Variants in ADGRL3 observed in about 807,000 individuals in gnomAD.
ADGRL3 encodes the protein adhesion G protein-coupled receptor L3.
ADGRL3 carries 62 observed loss-of-function variants against 153.5 expected under a neutral mutation model. That is an observed-to-expected ratio of 0.40 (90% CI 0.33 to 0.50). ADGRL3 has a LOEUF of 0.50. Among genes scored for constraint, ADGRL3 ranks in the 20% least tolerant of loss-of-function variants. The pLI, the probability that ADGRL3 is intolerant of heterozygous loss-of-function variation, is 0.47. For synonymous variants in ADGRL3, 710 were observed against 672.5 expected (o/e 1.06, Z -0.86); for missense variants, 1,641 against 1,859.4 (o/e 0.88, Z 2.16).
chr4:61,593,983 T>C (rs761515033), intron 5 of ADGRL3, among the ~76,000 whole-genome samples: 1 of 152,058 alleles, frequency 6.6e-6, no homozygotes, highest in Non-Finnish European at 1.5e-5. Context: ...TGCTTATTGG[T>C]TTTTATTCTT....
chr4:61,244,953 T>C (rs1358386480), intron 1 of ADGRL3, among the ~76,000 whole-genome samples: 3 of 152,004 alleles, frequency 2.0e-5, no homozygotes, highest in African/African-American at 7.2e-5. Context: ...TAGAGATAAG[T>C]GAAGGATTCA....
At chr4:61,336,852 C>A (rs2095686772) in intron 1 of ADGRL3, among the ~76,000 whole-genome samples, 2 of 140,288 alleles carry the variant, frequency 1.4e-5, no homozygotes, top group Non-Finnish European at 3.1e-5. Flanking sequence ...AGTTTTCTTA[C>A]AGTTCCTTTT....
chr4:61,467,366 T>C (rs2097897781), intron 2 of ADGRL3, among the ~76,000 whole-genome samples: 2 of 152,088 alleles, frequency 1.3e-5, no homozygotes, highest in African/African-American at 4.8e-5. Flanking sequence ...CTATAAATCA[T>C]AAATTTAAAG....
chr4:62,021,160 A>G (rs555081321), intron 21 of ADGRL3, among the ~76,000 whole-genome samples: 108 of 152,258 alleles, frequency 7.1e-4, no homozygotes, highest in Middle Eastern at 3.4e-3. Context: ...TCAATACACA[A>G]CAGCAATTAT....
chr4:61,971,361 T>C (rs1265705908), intron 17 of ADGRL3, among the ~76,000 whole-genome samples: 1 of 152,034 alleles, frequency 6.6e-6, no homozygotes, highest in Admixed American at 6.5e-5. Flanking sequence ...CCTGTGTCCA[T>C]GTGTTCTCAT....
intron 6 of ADGRL3, among the ~76,000 whole-genome samples, chr4:61,714,914 A>C (rs2096075517): frequency 6.6e-6 from 1 of 152,178 alleles, no homozygotes; most frequent in African/African-American, 2.4e-5. Flanking sequence ...CCCAAACTGG[A>C]ATGCTATGTC....
chr4:62,051,221 G>GT (rs1192448114), intron 25 of ADGRL3, among the ~76,000 whole-genome samples: 1 of 148,212 alleles, frequency 6.7e-6, no homozygotes, highest in Non-Finnish European at 1.5e-5. Context: ...ATATGTACAT[G>GT]TTATTGATAG....
In ADGRL3 at chr4:62,070,198, G is replaced by C; in HGVS notation, c.3922G>C (p.Gly1308Arg). 6.2e-7 allele frequency: 1 copy of C among 1,613,816 alleles called. No individual in the cohort carries two copies. The highest frequency in any genetic ancestry group is 8.5e-7 in the Non-Finnish European group (1 of 1,179,932). ...NHGNSYSIAS[G>R]EYLSNCVQII... ...TGGCAATAGTTACAGCATTGCCAGC[G>C]GCGAATACCTGAGCAACTGTGTGCA... is the stretch of plus-strand genomic sequence containing the variant. The change falls in exon 27 of 27, where the codon GGC becomes CGC. Residue 1308 changes from glycine to arginine, a missense_variant. This residue lies in a region of ADGRL3 where 517 missense variants were observed against 555.0 expected (regional missense o/e 0.93). Transcript: ENST00000683033.
intron 3 of ADGRL3, among the ~76,000 whole-genome samples, chr4:61,498,719 A>C (rs926194780): frequency 1.3e-5 from 2 of 152,124 alleles, no homozygotes; most frequent in Non-Finnish European, 2.9e-5. Flanking sequence ...ATAGTTTAGA[A>C]AGGATGTACC....
intron 9 of ADGRL3, among the ~76,000 whole-genome samples, chr4:61,836,508 T>G (rs2097937910): frequency 6.6e-6 from 1 of 152,034 alleles, no homozygotes. Context: ...CTTTTTCAAT[T>G]TTACCCATGA....
chr4:61,444,673 T>G (rs1427419618), intron 2 of ADGRL3, among the ~76,000 whole-genome samples: 2 of 152,172 alleles, frequency 1.3e-5, no homozygotes, highest in Non-Finnish European at 2.9e-5. Context: ...GTTGGTGGAA[T>G]TACTTATTGT....
chr4:61,417,306 A>C (rs1448170771), intron 2 of ADGRL3, among the ~76,000 whole-genome samples: 1 of 152,026 alleles, frequency 6.6e-6, no homozygotes, highest in African/African-American at 2.4e-5. Context: ...TGGGCAACAT[A>C]GTGAGACCCC....
At chr4:61,758,678 C>T (rs1452260739) in intron 8 of ADGRL3, among the ~76,000 whole-genome samples, 1 of 152,160 alleles carries the variant, frequency 6.6e-6, no homozygotes, top group African/African-American at 2.4e-5. Context: ...AGCCCATTTA[C>T]ATTTAAGGTT....
intron 1 of ADGRL3, among the ~76,000 whole-genome samples, chr4:61,316,112 A>G (rs1178754767): frequency 6.6e-6 from 1 of 152,194 alleles, no homozygotes; most frequent in Admixed American, 6.5e-5. Flanking sequence ...AATATAATTA[A>G]AATAGCACAG....
chr4:61,624,405 T>G (rs746493336), intron 5 of ADGRL3, among the ~76,000 whole-genome samples: 2 of 152,038 alleles, frequency 1.3e-5, no homozygotes, highest in African/African-American at 4.8e-5. Flanking sequence ...CTCCTGGGTT[T>G]TTTGGTTTAT....
chr4:61,616,613 A>G (rs1027118372), intron 5 of ADGRL3, among the ~76,000 whole-genome samples: 1 of 152,180 alleles, frequency 6.6e-6, no homozygotes, highest in African/African-American at 2.4e-5. Flanking sequence ...ACTATTGACT[A>G]CAACCTCCCA....
chr4:61,500,645 T>C (rs977251070), intron 3 of ADGRL3, among the ~76,000 whole-genome samples: 1 of 152,170 alleles, frequency 6.6e-6, no homozygotes, highest in South Asian at 2.1e-4. Flanking sequence ...CTCTTGACCA[T>C]TGGGAATTAA....
chr4:61,497,392 C>A (rs1346804008), intron 3 of ADGRL3, 44 bp downstream of exon 3: 2 of 1,239,582 alleles, frequency 1.6e-6, no homozygotes, highest in Non-Finnish European at 1.2e-6. Context: ...TGTTGTCTCA[C>A]TTATTCATAC....
chr4:61,609,465 A>T lies in ADGRL3; in HGVS notation c.473+22025A>T, dbSNP rs575657920. Among the ~76,000 whole-genome samples the T allele has an allele frequency of 2.6e-5, 4 of 152,234 alleles. No individual in the cohort carries two copies. In the East Asian group the frequency reaches 5.8e-4, roughly 22 times the overall value. On this transcript the variant is annotated intron_variant, in intron 5 of 26. Coordinates refer to ENST00000683033, the MANE Select transcript of ADGRL3 (RefSeq NM_001387552.1). ...TGCCTGATTAATTTTCATGGCTATT[A>T]ATATTTAATAGACTAGTTCTTAAAA... is the stretch of plus-strand genomic sequence containing the variant.
Sources: gnomAD v4.1 joint callset for allele counts (sites outside exome capture counted in the v4.1 genomes callset) on GRCh38, gnomAD v4.1.1 for gene constraint, gnomAD v4.1.1 regional missense constraint, MANE v1.5 for transcripts, NCBI Gene and HGNC (gene_info 2026-07-23, HGNC 2026-07-21) for gene names.